Variants in PIK3R3 observed in about 807,000 individuals in gnomAD.
PIK3R3 encodes the protein phosphoinositide-3-kinase regulatory subunit 3, also known as phosphatidylinositol 3-kinase regulatory subunit gamma.
Under a neutral mutation model 62.9 loss-of-function variants are expected in PIK3R3, and 64 were observed. That is an observed-to-expected ratio of 1.02 (90% CI 0.83 to 1.25). PIK3R3 has a LOEUF of 1.25. PIK3R3 is among the 50% of genes most tolerant of loss of function. The probability of loss-of-function intolerance (pLI) is 0.00; values close to 1 mark genes in which losing one functional copy is unlikely to be tolerated. For missense variants in PIK3R3, 614 were observed against 561.6 expected (o/e 1.09, Z -0.94); for synonymous variants, 165 against 189.0 (o/e 0.87, Z 1.04).
chr1:46,120,886 AG>A, intron 1 of PIK3R3, among the ~76,000 whole-genome samples: 1 of 152,288 alleles, frequency 6.6e-6, no homozygotes, highest in Middle Eastern at 3.4e-3. Context: ...ATGGGAAAGA[AG>A]TTTGCTAGAG....
chr1:46,153,529 G>A, the PIK3R3 span, among the ~76,000 whole-genome samples: 1 of 152,220 alleles, frequency 6.6e-6, no homozygotes, highest in African/African-American at 2.4e-5. Flanking sequence ...CTCTGCTGAT[G>A]GGGCTGAAAT....
intron 1 of PIK3R3, among the ~76,000 whole-genome samples, chr1:46,121,090 G>A (rs1055115310): frequency 5.9e-5 from 9 of 152,022 alleles, no homozygotes; most frequent in Non-Finnish European, 8.8e-5. Flanking sequence ...GCAAAATATG[G>A]GTTTATACTG....
chr1:46,114,081 C>T (rs1048367839), intron 1 of PIK3R3, among the ~76,000 whole-genome samples: 1 of 152,174 alleles, frequency 6.6e-6, no homozygotes, highest in African/African-American at 2.4e-5. Context: ...GGACAGTAAA[C>T]AGCAACGTAT....
At chr1:46,131,806 C>A in intron 1 of PIK3R3, 41 bp downstream of exon 1, 2 of 1,580,512 alleles carry the variant, frequency 1.3e-6, no homozygotes, top group South Asian at 2.2e-5. Context: ...AAATACAAAT[C>A]AGACCCATCA....
chr1:46,089,225 C>G (rs546161003), intron 1 of PIK3R3, among the ~76,000 whole-genome samples: 3 of 152,208 alleles, frequency 2.0e-5, no homozygotes, highest in African/African-American at 7.2e-5. Flanking sequence ...CAGCATAATG[C>G]TGAATGCAGT....
At chr1:46,130,733 T>A (rs1185593775) in intron 1 of PIK3R3, among the ~76,000 whole-genome samples, 1 of 152,226 alleles carries the variant, frequency 6.6e-6, no homozygotes, top group African/African-American at 2.4e-5. Context: ...ACACATTTTA[T>A]TCTGTAGACT....
At chr1:46,150,588 A>G in the PIK3R3 span, among the ~76,000 whole-genome samples, 1 of 151,630 alleles carries the variant, frequency 6.6e-6, no homozygotes, top group Non-Finnish European at 1.5e-5. Context: ...AGAGAAAACT[A>G]CTCCTGGTTT....
At chr1:46,149,421 CAAAAA>C in the PIK3R3 span, among the ~76,000 whole-genome samples, 1 of 52,004 alleles carries the variant, frequency 1.9e-5, no homozygotes, top group Non-Finnish European at 3.9e-5. Flanking sequence ...GACTCTGTCT[CAAAAA>C]AAAAAAAAAA....
intron 1 of PIK3R3, among the ~76,000 whole-genome samples, chr1:46,092,776 T>C (rs1651760794): frequency 6.6e-6 from 1 of 150,714 alleles, no homozygotes; most frequent in Admixed American, 6.7e-5. Context: ...GACCTCTAAT[T>C]CCTCAAACTT....
At chr1:46,077,662 C>T in intron 2 of PIK3R3, 49 bp from the exon 3 acceptor site, 1 of 1,159,166 alleles carries the variant, frequency 8.6e-7, no homozygotes, top group Admixed American at 1.7e-5. Flanking sequence ...ACACTGGTGG[C>T]TTCGGCAGTA....
upstream of PIK3R3, among the ~76,000 whole-genome samples, chr1:46,135,068 A>G (rs1268486615): frequency 1.3e-5 from 2 of 152,186 alleles, no homozygotes; most frequent in Non-Finnish European, 2.9e-5. Flanking sequence ...TTGAGCTTAA[A>G]CCAGTGCCCT....
At chr1:46,169,682 A>G in the PIK3R3 span, among the ~76,000 whole-genome samples, 1 of 152,176 alleles carries the variant, frequency 6.6e-6, no homozygotes, top group Non-Finnish European at 1.5e-5. Context: ...AGTAGAGGTC[A>G]GGGCTGAGGT....
intron 1 of PIK3R3, among the ~76,000 whole-genome samples, chr1:46,091,638 A>C (rs956116351): frequency 6.6e-6 from 1 of 152,034 alleles, no homozygotes; most frequent in African/African-American, 2.4e-5. Flanking sequence ...AATAATCTCC[A>C]CTCTTCTGAA....
chr1:46,046,920 C>A, intron 7 of PIK3R3: 1 of 462,166 alleles, frequency 2.2e-6, no homozygotes, highest in Non-Finnish European at 3.8e-6. Context: ...CACACATACT[C>A]GCACTCACAG....
intron 1 of PIK3R3, among the ~76,000 whole-genome samples, chr1:46,096,061 G>A (rs1571480586): frequency 6.6e-6 from 1 of 152,100 alleles, no homozygotes; most frequent in East Asian, 1.9e-4. Flanking sequence ...TGGGATTACA[G>A]GCGTGAGCCA....
intron 9 of PIK3R3, among the ~76,000 whole-genome samples, chr1:46,045,047 C>T (rs1345300835): frequency 6.6e-6 from 1 of 152,208 alleles, no homozygotes; most frequent in Non-Finnish European, 1.5e-5. Context: ...CCATCAGTAG[C>T]ATCATCATCA....
At chr1:46,061,455 C>T (rs1045852787) in intron 6 of PIK3R3, among the ~76,000 whole-genome samples, 7 of 152,142 alleles carry the variant, frequency 4.6e-5, no homozygotes, top group Admixed American at 4.6e-4. Context: ...CAGACTGCTG[C>T]CAAAGTTGAT....
chr1:46,041,838 G>C lies in PIK3R3; in HGVS notation c.*1835C>G, dbSNP rs761842802. ...AGTGTAACCAAGAAAAAGCCAAAGA[G>C]AAGCACTTCCCTTTCTATCCTCGTC... On this transcript the variant is annotated 3_prime_UTR_variant, in exon 10 of 10. Coordinates refer to ENST00000262741, the MANE Select transcript of PIK3R3 (RefSeq NM_003629.4). 32 of 213,160 alleles carry C rather than the reference G, an allele frequency of 1.5e-4. No homozygotes were observed. Among genetic ancestry groups the C allele is most frequent in the Admixed American group, 4.7e-4 (8 of 17,096 alleles). The allele number at this position is 213,160 out of a possible 1,614,324, so 13.2% of individuals were successfully genotyped here.
At chr1:46,065,807 A>T (rs988770508) in intron 5 of PIK3R3, among the ~76,000 whole-genome samples, 2 of 152,240 alleles carry the variant, frequency 1.3e-5, no homozygotes. Flanking sequence ...CACATGAAAG[A>T]AAACTAAATT....
Sources: allele counts gnomAD v4.1 joint callset (sites outside exome capture counted in the v4.1 genomes callset), GRCh38; gene constraint gnomAD v4.1.1; transcripts MANE v1.5; gene names NCBI Gene and HGNC (gene_info 2026-07-23, HGNC 2026-07-21).